Variants in CFB observed in about 807,000 individuals in gnomAD.
CFB encodes the protein complement factor B, also known as B-factor, properdin.
CFB carries 59 observed loss-of-function variants against 97.2 expected under a neutral mutation model. The observed-to-expected ratio is 0.61, with a 90% confidence interval of 0.49 to 0.75. The LOEUF is 0.75. CFB is among the 30% of genes least tolerant of loss of function. The pLI is 0.00. For missense variants in CFB, 771 were observed against 959.8 expected (o/e 0.80, Z 2.60); for synonymous variants, 316 against 351.7 (o/e 0.90, Z 1.14).
chr6:31,950,594 G>C, intron 12 of CFB, 25 bp from the exon 13 acceptor site: 3 of 1,612,822 alleles, frequency 1.9e-6, no homozygotes, highest in Non-Finnish European at 2.5e-6. Flanking sequence ...CCCACAAAGA[G>C]GTGGTACCTA....
chr6:31,946,599 G>C lies in CFB; in HGVS notation c.291G>C (p.Glu97Asp). 1 of 1,608,868 alleles carries C rather than the reference G, an allele frequency of 6.2e-7. No individual in the cohort carries two copies. The highest frequency in any genetic ancestry group is 8.5e-7 in the Non-Finnish European group (1 of 1,179,978). The change falls in exon 2 of 18, where the codon GAG becomes GAC. Residue 97 changes from glutamate to aspartate, a missense_variant. Coordinates refer to ENST00000425368, the MANE Select transcript of CFB (RefSeq NM_001710.6). The surrounding 1 kb of genome is among the most constrained non-coding windows in gnomAD (Gnocchi z 6.4). ...ACCAAAAGACTGTCAGGAAGGCAGA[G>C]TGCAGAGGTTTGAGGGCAATGAGTG... ...TQDQKTVRKA[E>D]CRAIHCPRPH...
rs1480218934 is a variant in CFB at position 31,950,705 on chromosome 6, G to A, written c.1711G>A (p.Glu571Lys). Residue 571 changes from glutamate (E) to lysine (K), a missense_variant, in exon 13 of 18, where the codon GAA becomes AAA. By Grantham distance (56) the Glu-to-Lys change is moderately conservative. Transcript: ENST00000425368. ...TGGGAAAAAAGAAGCAGGAATTCCTGAATTTTATGACTATGACGTTGCCCT... is the reference window on the plus strand; with the variant it reads ...TGGGAAAAAAGAAGCAGGAATTCCTAAATTTTATGACTATGACGTTGCCCT... Reference protein sequence around the residue: ...INGKKEAGIPEFYDYDVALIK... With the variant: ...INGKKEAGIPKFYDYDVALIK... 6.2e-7 allele frequency: 1 copy of A among 1,612,962 alleles called. No individual in the cohort carries two copies. The highest frequency in any genetic ancestry group is 8.5e-7 in the Non-Finnish European group (1 of 1,180,038).
Position 31,950,937 on chromosome 6 carries a change from G to C in CFB, c.1848G>C (p.Gln616His), listed in dbSNP as rs369531605. ...ALRLPPTTTC[Q>H]QQKEELLPAQ... ...GGCTTCCTCCAACTACCACTTGCCA[G>C]CAACAAAGTAAGACATACTTGGCAA... is the stretch of plus-strand genomic sequence containing the variant. Residue 616 changes from glutamine (Q) to histidine (H), a missense_variant, in exon 14 of 18, where the codon CAG becomes CAC. Physicochemically the swap from Gln to His is conservative, Grantham distance 24. Transcript: ENST00000425368. The C allele has an allele frequency of 5.0e-6, 8 of 1,613,004 alleles. No homozygotes were observed. Among genetic ancestry groups the C allele is most frequent in the Non-Finnish European group, 6.8e-6 (8 of 1,180,014 alleles).
Position 31,947,574 on chromosome 6 carries a change from C to T in CFB, c.658+53C>T, listed in dbSNP as rs904828111. Reference sequence around the variant, plus strand: ...AGATCCTGGTCTTCCATCCTACTGTCTTCTCTCCCCACCTCAACCCTGCTC... The same window carrying T: ...AGATCCTGGTCTTCCATCCTACTGTTTTCTCTCCCCACCTCAACCCTGCTC... On this transcript the variant is annotated intron_variant, in intron 4 of 17. Coordinates refer to ENST00000425368, the MANE Select transcript of CFB (RefSeq NM_001710.6). The surrounding 1 kb of genome is among the most constrained non-coding windows in gnomAD (Gnocchi z 5.3). 6 of 1,607,362 alleles carry T rather than the reference C, an allele frequency of 3.7e-6. No homozygotes were observed. Among genetic ancestry groups the T allele is most frequent in the Non-Finnish European group, 5.1e-6 (6 of 1,175,380 alleles).
Position 31,951,259 on chromosome 6 carries a change from T to A in CFB, c.1956+15T>A. The A allele has an allele frequency of 6.2e-7, 1 of 1,613,198 alleles. No individual in the cohort carries two copies. Among genetic ancestry groups the A allele is most frequent in the Non-Finnish European group, 8.5e-7 (1 of 1,179,964 alleles). On this transcript the variant is annotated intron_variant, in intron 15 of 17. Transcript: ENST00000425368. The surrounding 1 kb of genome is among the most constrained non-coding windows in gnomAD (Gnocchi z 4.3). ...ATGGGGATAAGGTGAGAAACGGGCATCCTAAGGAGGCACTCTAGGCCCCAA... is the reference window on the plus strand; with the variant it reads ...ATGGGGATAAGGTGAGAAACGGGCAACCTAAGGAGGCACTCTAGGCCCCAA...
rs1442976724 is a variant in CFB, at chr6:31,946,758, A to G, written c.298+152A>G. The G allele has an allele frequency of 1.2e-6, 1 of 840,020 alleles. No individual in the cohort carries two copies. Among genetic ancestry groups the G allele is most frequent in the African/African-American group, 1.7e-5 (1 of 59,554 alleles). 52.0% of individuals were successfully genotyped at this position (840,020 alleles called of 1,614,324 possible). On this transcript the variant is annotated intron_variant, in intron 2 of 17. Coordinates refer to ENST00000425368, the MANE Select transcript of CFB (RefSeq NM_001710.6). The surrounding 1 kb of genome is among the most constrained non-coding windows in gnomAD (Gnocchi z 6.4). ...GGTGGCAGGCGGAAAGGGGGCAAGA[A>G]AAAGCGGAGTTAACCCTTACTAAGC...
Position 31,951,168 on chromosome 6 carries a change from A to G in CFB, c.1880A>G (p.Asp627Gly). Residue 627 changes from aspartate (D) to glycine (G), a missense_variant, in exon 15 of 18, where the codon GAT becomes GGT. Asp to Gly is a moderately conservative substitution (Grantham distance 94, BLOSUM62 -1). Transcript: ENST00000425368. This position sits in a 1 kb window ranked among gnomAD's most constrained non-coding sequence, Gnocchi z 4.3. Reference protein sequence around the residue: ...QQKEELLPAQDIKALFVSEEE... With the variant: ...QQKEELLPAQGIKALFVSEEE... Reference sequence around the variant, plus strand: ...GAGGAAGAGCTGCTCCCTGCACAGGATATCAAAGCTCTGTTTGTGTCTGAG... The same window carrying G: ...GAGGAAGAGCTGCTCCCTGCACAGGGTATCAAAGCTCTGTTTGTGTCTGAG... The G allele has an allele frequency of 6.2e-7, 1 of 1,613,046 alleles. No homozygotes were observed. The highest frequency in any genetic ancestry group is 1.1e-5 in the South Asian group (1 of 91,086).
At chr6:31,950,509 C>G (rs1401282261) in intron 12 of CFB, 106 bp downstream of exon 12, 4 of 1,578,632 alleles carry the variant, frequency 2.5e-6, no homozygotes, top group Non-Finnish European at 3.5e-6. Flanking sequence ...AGCCCCATTC[C>G]TTGCACCCCA....
Position 31,948,956 on chromosome 6 carries a change from C to T in CFB, c.1163C>T (p.Thr388Ile), listed in dbSNP as rs1220179424. ...NRTRHVIILM[T>I]DGLHNMGGDP... ...ACCCGCCATGTCATCATCCTCATGACTGATGGTCAGAAGGGACCTCTCTCC... is the reference window on the plus strand; with the variant it reads ...ACCCGCCATGTCATCATCCTCATGATTGATGGTCAGAAGGGACCTCTCTCC... The change falls in exon 8 of 18, where the codon ACT (threonine) becomes ATT (isoleucine). Residue 388 changes from threonine to isoleucine, a missense_variant. By Grantham distance (89) the Thr-to-Ile change is moderately conservative. Coordinates refer to ENST00000425368, the MANE Select transcript of CFB (RefSeq NM_001710.6). 3.7e-6 allele frequency: 6 copies of T among 1,612,894 alleles called. No homozygotes were observed. The highest frequency in any genetic ancestry group is 4.2e-6 in the Non-Finnish European group (5 of 1,180,032).
In CFB at chr6:31,949,440, G is replaced by A. The variant is rs772954304; in HGVS notation, c.1291G>A (p.Gly431Arg). Residue 431 changes from glycine (G) to arginine (R), a missense_variant, in exon 10 of 18, where the codon GGG becomes AGG. By Grantham distance (125) the Gly-to-Arg change is moderately radical. Transcript: ENST00000425368. ...CTCAGATGTCTATGTGTTTGGGGTC[G>A]GGCCTTTGGTGAACCAAGTGAACAT... ...DYLDVYVFGV[G>R]PLVNQVNINA... 3.1e-6 allele frequency: 5 copies of A among 1,614,012 alleles called. No homozygotes were observed. In the Admixed American group the frequency reaches 5.0e-5, roughly 16 times the overall value.
chr6:31,949,436 G>A lies in CFB; in HGVS notation c.1287G>A (p.Gly429=). Residue 429 remains glycine, a synonymous_variant, in exon 10 of 18, where the codon GGG becomes GGA. Coordinates refer to ENST00000425368, the MANE Select transcript of CFB (RefSeq NM_001710.6). Reference sequence around the variant, plus strand: ...ATCCCTCAGATGTCTATGTGTTTGGGGTCGGGCCTTTGGTGAACCAAGTGA... The same window carrying A: ...ATCCCTCAGATGTCTATGTGTTTGGAGTCGGGCCTTTGGTGAACCAAGTGA... ...REDYLDVYVF[G]VGPLVNQVNI... The A allele has an allele frequency of 1.2e-6, 2 of 1,614,192 alleles. No homozygotes were observed. The highest frequency in any genetic ancestry group is 2.2e-5 in the East Asian group (1 of 44,890).
chr6:31,949,739 C>G lies in CFB; in HGVS notation c.1408+182C>G, dbSNP rs902340233. 3 of 804,294 alleles carry G rather than the reference C, an allele frequency of 3.7e-6. No homozygotes were observed. The East Asian group carries it at 8.0e-5, about 21-fold the overall frequency. The allele number at this position is 804,294 out of a possible 1,614,324, so 49.8% of individuals were successfully genotyped here. ...CACTTAACCTTAGAATCACAGAGCT[C>G]TGAGCACTTCAGAGATCTTTCTATA... On this transcript the variant is annotated intron_variant, in intron 10 of 17. Coordinates refer to ENST00000425368, the MANE Select transcript of CFB (RefSeq NM_001710.6).
Position 31,947,916 on chromosome 6 carries a change from G to A in CFB, c.761-29G>A. On this transcript the variant is annotated intron_variant, in intron 5 of 17. Transcript: ENST00000425368. The surrounding 1 kb of genome is among the most constrained non-coding windows in gnomAD (Gnocchi z 5.3). ...GAGAAGGGACAGAACTGTTAATGCT[G>A]GAGCCTGAGCCACTCTCCTGGCACC... 1 of 1,614,168 alleles carries A rather than the reference G, an allele frequency of 6.2e-7. No individual in the cohort carries two copies. Among genetic ancestry groups the A allele is most frequent in the African/African-American group, 1.3e-5 (1 of 75,036 alleles).
Position 31,951,693 on chromosome 6 carries a change from C to T in CFB, c.2139+89C>T, listed in dbSNP as rs376595836. 188 of 1,587,466 alleles carry T rather than the reference C, an allele frequency of 1.2e-4. 4 individuals are homozygous for T. In the East Asian group the frequency reaches 1.4e-3, roughly 12 times the overall value. ...AGCTCAATGCATGTGGCTAGTAATT[C>T]GAGGTAGGCAGAGCCTGCCTCACCT... On this transcript the variant is annotated intron_variant, in intron 17 of 17. Transcript: ENST00000425368. The surrounding 1 kb of genome is among the most constrained non-coding windows in gnomAD (Gnocchi z 4.3).
At position 31,950,692 on chromosome 6, in the gene CFB, A is replaced by G. The variant is rs1436231996; in HGVS notation, c.1698A>G (p.Glu566=). 6.2e-7 allele frequency: 1 copy of G among 1,613,104 alleles called. No individual in the cohort carries two copies. The highest frequency in any genetic ancestry group is 1.7e-5 in the Admixed American group (1 of 60,022). The change falls in exon 13 of 18, where the codon GAA becomes GAG. Residue 566 remains glutamate (E), a synonymous_variant. Coordinates refer to ENST00000425368, the MANE Select transcript of CFB (RefSeq NM_001710.6). ...ACTACAACATTAATGGGAAAAAAGA[A>G]GCAGGAATTCCTGAATTTTATGACT... ...HPNYNINGKK[E]AGIPEFYDYD...
chr6:31,950,789 C>A lies in CFB; in HGVS notation c.1778+17C>A. 2.5e-6 allele frequency: 4 copies of A among 1,613,020 alleles called. No homozygotes were observed. Among genetic ancestry groups the A allele is most frequent in the Non-Finnish European group, 2.5e-6 (3 of 1,180,028 alleles). On this transcript the variant is annotated intron_variant, in intron 13 of 17. Coordinates refer to ENST00000425368, the MANE Select transcript of CFB (RefSeq NM_001710.6). ...GACTATCAGGTGAGAGCGTCCAGAT[C>A]CCTGAGGAAAGGCTGGGAAAGGCTG...
In CFB at chr6:31,948,416, T is replaced by C; in HGVS notation, c.940T>C (p.Tyr314His). Residue 314 changes from tyrosine (Y) to histidine (H), a missense_variant, in exon 7 of 18, where the codon TAT (tyrosine) becomes CAT (histidine). Tyr to His is a moderately conservative substitution (Grantham distance 83). Coordinates refer to ENST00000425368, the MANE Select transcript of CFB (RefSeq NM_001710.6). Reference sequence around the variant, plus strand: ...GAAGCCAAGATATGGTCTAGTGACATATGCCACATACCCCAAAATTTGGGT... The same window carrying C: ...GAAGCCAAGATATGGTCTAGTGACACATGCCACATACCCCAAAATTTGGGT... Reference protein sequence around the residue: ...GVKPRYGLVTYATYPKIWVKV... With the variant: ...GVKPRYGLVTHATYPKIWVKV... 6.2e-7 allele frequency: 1 copy of C among 1,614,226 alleles called. No individual in the cohort carries two copies. Among genetic ancestry groups the C allele is most frequent in the Non-Finnish European group, 8.5e-7 (1 of 1,180,044 alleles).
chr6:31,948,511 A>C lies in CFB; in HGVS notation c.1035A>C (p.Glu345Asp), dbSNP rs1268546722. The C allele has an allele frequency of 2.5e-6, 4 of 1,614,026 alleles. No individual in the cohort carries two copies. The South Asian group carries it at 3.3e-5, about 13-fold the overall frequency. The change falls in exon 7 of 18, where the codon GAA (glutamate) becomes GAC (aspartate). Residue 345 changes from glutamate to aspartate, a missense_variant and splice_region_variant. Physicochemically the swap from Glu to Asp is conservative, Grantham distance 45. Coordinates refer to ENST00000425368, the MANE Select transcript of CFB (RefSeq NM_001710.6). ...VTKQLNEINYEDHKLKSGTNT... is the reference protein window; with the variant it reads ...VTKQLNEINYDDHKLKSGTNT... ...AGCAGCTCAATGAAATCAATTATGA[A>C]GGTCAGAGGTTAGGGAATGGTGGGA...
chr6:31,949,706 G>A (rs1175586138), intron 10 of CFB, 149 bp downstream of exon 10: 7 of 996,508 alleles, frequency 7.0e-6, no homozygotes, highest in South Asian at 2.9e-5. Context: ...TTGTTTCCTG[G>A]CACTGTTCAC....
Sources: gnomAD v4.1 joint callset for allele counts on GRCh38, gnomAD v4.1.1 for gene constraint, Gnocchi (gnomAD v3.1) non-coding constraint, MANE v1.5 for transcripts, NCBI Gene and HGNC (gene_info 2026-07-23, HGNC 2026-07-21) for gene names.